Variants in SUGCT observed in about 807,000 individuals in gnomAD.
SUGCT encodes the protein succinyl-CoA:glutarate-CoA transferase, also known as succinyl-CoA:glutarate CoA-transferase.
SUGCT carries 41 observed loss-of-function variants against 55.0 expected under a neutral mutation model. That is an observed-to-expected ratio of 0.74 (90% confidence interval 0.58 to 0.97). The LOEUF (loss-of-function observed/expected upper bound fraction) is 0.97. SUGCT is among the 50% of genes least tolerant of loss of function. The pLI, the probability that SUGCT is intolerant of heterozygous loss-of-function variation, is 0.00. For synonymous variants in SUGCT, 187 were observed against 200.4 expected (o/e 0.93, Z 0.56); for missense variants, 568 against 547.8 (o/e 1.04, Z -0.37).
intron 12 of SUGCT, among the ~76,000 whole-genome samples, chr7:40,636,992 C>G (rs1404828581): frequency 6.6e-6 from 1 of 152,116 alleles, no homozygotes; most frequent in Non-Finnish European, 1.5e-5. Context: ...TTGCTGTGTG[C>G]TCCTGGGGCT....
At chr7:40,745,164 T>C (rs1787669578) in intron 12 of SUGCT, among the ~76,000 whole-genome samples, 1 of 152,188 alleles carries the variant, frequency 6.6e-6, no homozygotes, top group African/African-American at 2.4e-5. Context: ...AGTTCTCTTT[T>C]GTACATTATT....
chr7:40,890,330 T>C, the SUGCT span, among the ~76,000 whole-genome samples: 537 of 126,792 alleles, frequency 4.2e-3, 4 homozygotes, highest in African/African-American at 0.021. Context: ...ATAATATAAA[T>C]ATTAATATAT....
intron 12 of SUGCT, among the ~76,000 whole-genome samples, chr7:40,568,013 C>A (rs56145015): frequency 0.022 from 3,296 of 152,186 alleles, 117 homozygotes; most frequent in African/African-American, 0.072. Flanking sequence ...ATGAATGATT[C>A]CATTTGAGTC....
intron 12 of SUGCT, among the ~76,000 whole-genome samples, chr7:40,705,246 A>G (rs1288063423): frequency 1.3e-5 from 2 of 152,172 alleles, no homozygotes; most frequent in Non-Finnish European, 2.9e-5. Flanking sequence ...TGTGTACCCA[A>G]TGGTAATGTC....
At chr7:40,772,530 CTATCT>C (rs1789182276) in intron 13 of SUGCT, among the ~76,000 whole-genome samples, 1 of 151,216 alleles carries the variant, frequency 6.6e-6, no homozygotes, top group Non-Finnish European at 1.5e-5. Context: ...ATCTATCTAT[CTATCT>C]ATCTATCTAT....
intron 7 of SUGCT, among the ~76,000 whole-genome samples, chr7:40,249,122 C>A (rs1485047741): frequency 6.6e-6 from 1 of 151,246 alleles, no homozygotes; most frequent in Non-Finnish European, 1.5e-5. Flanking sequence ...AAAGCCCTGT[C>A]TCTAGTAAAA....
intron 9 of SUGCT, among the ~76,000 whole-genome samples, chr7:40,350,280 ATT>A (rs1441921094): frequency 1.3e-4 from 1 of 7,594 alleles, no homozygotes; most frequent in African/African-American, 3.0e-4. Flanking sequence ...ACTATATCTT[ATT>A]TATTTATTTA....
intron 12 of SUGCT, among the ~76,000 whole-genome samples, chr7:40,593,639 GAGAATAGCCTGGCCAA>G (rs1183203088): frequency 6.6e-6 from 1 of 152,138 alleles, no homozygotes; most frequent in Non-Finnish European, 1.5e-5. Flanking sequence ...TCAGAAATTT[GAGAATAGCCTGGCCAA>G]CGTGGTGAAA....
chr7:40,490,195 A>C (rs960008285), intron 11 of SUGCT, among the ~76,000 whole-genome samples: 2 of 152,092 alleles, frequency 1.3e-5, no homozygotes, highest in Non-Finnish European at 2.9e-5. Flanking sequence ...AGCCTGGAAG[A>C]CCTGTGGTCT....
intron 3 of SUGCT, among the ~76,000 whole-genome samples, chr7:40,187,382 A>G (rs1398004686): frequency 2.0e-5 from 3 of 152,124 alleles, no homozygotes; most frequent in Admixed American, 2.0e-4. Context: ...TTATGTATAC[A>G]TATGTAACAA....
intron 12 of SUGCT, among the ~76,000 whole-genome samples, chr7:40,579,616 A>G (rs1796962365): frequency 6.6e-6 from 1 of 152,200 alleles, no homozygotes; most frequent in African/African-American, 2.4e-5. Flanking sequence ...AAACAGACAT[A>G]AATGGTGTGG....
chr7:40,712,655 A>C (rs1416496711), intron 12 of SUGCT, among the ~76,000 whole-genome samples: 3 of 152,234 alleles, frequency 2.0e-5, no homozygotes, highest in Non-Finnish European at 4.4e-5. Context: ...GTTAATTGCT[A>C]TCTTTCCAGA....
At chr7:41,033,596 T>C in the SUGCT span, among the ~76,000 whole-genome samples, 1 of 152,120 alleles carries the variant, frequency 6.6e-6, no homozygotes. Context: ...TTTTACAGTC[T>C]GGAGGGAGGG....
intron 12 of SUGCT, among the ~76,000 whole-genome samples, chr7:40,696,449 A>G (rs1219423050): frequency 6.6e-6 from 1 of 152,164 alleles, no homozygotes; most frequent in Non-Finnish European, 1.5e-5. Context: ...TCCAAGGGAT[A>G]AATAAATAAT....
intron 9 of SUGCT, among the ~76,000 whole-genome samples, chr7:40,448,989 G>A (rs1006913733): frequency 6.6e-6 from 1 of 151,532 alleles, no homozygotes; most frequent in African/African-American, 2.4e-5. Context: ...GAGAGAAAGA[G>A]AGAGAGAGAG....
intron 12 of SUGCT, among the ~76,000 whole-genome samples, chr7:40,736,769 GA>G (rs939687079): frequency 2.0e-5 from 3 of 151,666 alleles, no homozygotes; most frequent in Admixed American, 6.6e-5. Context: ...AAAAAATAAA[GA>G]AAAAAATATC....
At chr7:40,309,224 A>T (rs1795009485) in intron 8 of SUGCT, among the ~76,000 whole-genome samples, 1 of 152,150 alleles carries the variant, frequency 6.6e-6, no homozygotes. Context: ...TGAGAGTAGG[A>T]CTATGTCTTT....
the SUGCT span, among the ~76,000 whole-genome samples, chr7:41,016,233 G>A: frequency 6.6e-6 from 1 of 152,148 alleles, no homozygotes; most frequent in Non-Finnish European, 1.5e-5. Flanking sequence ...CTTTGGAAAT[G>A]TATTATTTAT....
chr7:40,324,244 A>AT (rs1562681042), intron 9 of SUGCT, among the ~76,000 whole-genome samples: 2 of 98,476 alleles, frequency 2.0e-5, no homozygotes, highest in African/African-American at 8.7e-5. Flanking sequence ...TAAATAAATA[A>AT]ATAAATAAAT....
Sources: allele counts gnomAD v4.1 joint callset (sites outside exome capture counted in the v4.1 genomes callset), GRCh38; gene constraint gnomAD v4.1.1; transcripts MANE v1.5; gene names NCBI Gene and HGNC (gene_info 2026-07-23, HGNC 2026-07-21).